The following RABGAP1L variants were observed in gnomAD, a reference collection of about 807,000 sequenced individuals.
The protein encoded by RABGAP1L is RAB GTPase activating protein 1 like, also known as rab GTPase-activating protein 1-like.
In RABGAP1L, 63 loss-of-function variants were observed where a neutral mutation model predicts 137.7. That is an observed-to-expected ratio of 0.46 (90% CI 0.37 to 0.56). The LOEUF is 0.56. RABGAP1L is among the 20% of genes least tolerant of loss of function. The pLI is 0.00. For missense variants in RABGAP1L, 1,095 were observed against 1,244.0 expected (o/e 0.88, Z 1.80); for synonymous variants, 431 against 433.7 (o/e 0.99, Z 0.08).
intron 19 of RABGAP1L, among the ~76,000 whole-genome samples, chr1:174,830,545 C>T (rs142954431): frequency 0.021 from 3,031 of 146,640 alleles, 278 homozygotes; most frequent in African/African-American, 0.072. Context: ...GGCACGATGT[C>T]GGCTCACTGC....
At chr1:174,793,858 A>G (rs1225462951) in intron 18 of RABGAP1L, among the ~76,000 whole-genome samples, 1 of 151,998 alleles carries the variant, frequency 6.6e-6, no homozygotes, top group East Asian at 1.9e-4. Context: ...CACCACACCC[A>G]GCTAATTTTT....
intron 19 of RABGAP1L, among the ~76,000 whole-genome samples, chr1:174,944,274 C>CAAAA (rs56225773): frequency 1.6e-3 from 79 of 50,812 alleles, no homozygotes; most frequent in African/African-American, 2.6e-3. Context: ...AAGACTGTCT[C>CAAAA]AAAAAAAAAA....
At chr1:174,296,708 T>A (rs1167442389) in intron 10 of RABGAP1L, among the ~76,000 whole-genome samples, 1 of 152,236 alleles carries the variant, frequency 6.6e-6, no homozygotes, top group Non-Finnish European at 1.5e-5. Context: ...AAAGTTTTTT[T>A]AATGAGTTTT....
At chr1:174,866,991 G>A (rs910010068) in intron 19 of RABGAP1L, among the ~76,000 whole-genome samples, 1 of 152,000 alleles carries the variant, frequency 6.6e-6, no homozygotes, top group Non-Finnish European at 1.5e-5. Context: ...TGGAAACTGA[G>A]GTGGGAGGAT....
At chr1:174,856,156 G>A (rs1356797659) in intron 19 of RABGAP1L, among the ~76,000 whole-genome samples, 1 of 152,130 alleles carries the variant, frequency 6.6e-6, no homozygotes, top group African/African-American at 2.4e-5. Flanking sequence ...CAGCACTTTG[G>A]GAGGCCAAGG....
chr1:174,712,445 G>A (rs905465643), intron 17 of RABGAP1L, among the ~76,000 whole-genome samples: 1 of 152,120 alleles, frequency 6.6e-6, no homozygotes. Flanking sequence ...AACACTCACC[G>A]CGAAGGTCTG....
At chr1:174,617,806 G>A (rs547844211) in intron 13 of RABGAP1L, among the ~76,000 whole-genome samples, 38 of 152,292 alleles carry the variant, frequency 2.5e-4, no homozygotes, top group African/African-American at 6.0e-4. Flanking sequence ...CGCAGAAGAC[G>A]GGTGATTTCG....
At chr1:174,811,240 A>G (rs954738701) in intron 18 of RABGAP1L, among the ~76,000 whole-genome samples, 5 of 152,224 alleles carry the variant, frequency 3.3e-5, no homozygotes, top group Non-Finnish European at 5.9e-5. Flanking sequence ...TTTGGTAAAC[A>G]ATAGTTTTCA....
At chr1:174,873,605 C>T (rs1169302138) in intron 19 of RABGAP1L, among the ~76,000 whole-genome samples, 1 of 151,698 alleles carries the variant, frequency 6.6e-6, no homozygotes, top group Non-Finnish European at 1.5e-5. Flanking sequence ...CCCCTGCCTC[C>T]CGGGTTCAAG....
chr1:174,718,294 AG>A (rs1288591656), intron 17 of RABGAP1L, among the ~76,000 whole-genome samples: 1 of 152,240 alleles, frequency 6.6e-6, no homozygotes, highest in Non-Finnish European at 1.5e-5. Context: ...ACTTAGCACT[AG>A]TCCCTCAGGA....
intron 17 of RABGAP1L, among the ~76,000 whole-genome samples, chr1:174,712,245 C>T (rs560470621): frequency 1.1e-4 from 16 of 152,300 alleles, no homozygotes; most frequent in African/African-American, 1.9e-4. Flanking sequence ...AGTCACCTTC[C>T]GGACTGTGGA....
chr1:174,413,343 T>A, intron 13 of RABGAP1L, among the ~76,000 whole-genome samples: 1 of 152,320 alleles, frequency 6.6e-6, no homozygotes, highest in East Asian at 1.9e-4. Flanking sequence ...TATTTCTCTC[T>A]TATTTCCTGG....
At chr1:174,735,472 C>T (rs557783581) in intron 17 of RABGAP1L, among the ~76,000 whole-genome samples, 10 of 151,002 alleles carry the variant, frequency 6.6e-5, no homozygotes, top group South Asian at 2.1e-4. Flanking sequence ...CGGGGCTGGG[C>T]GTGGTGGCTC....
intron 17 of RABGAP1L, among the ~76,000 whole-genome samples, chr1:174,727,593 A>G: frequency 6.6e-6 from 1 of 152,200 alleles, no homozygotes; most frequent in South Asian, 2.1e-4. Flanking sequence ...AGAAAGAACA[A>G]GTTCTGGTAT....
chr1:174,332,792 T>C (rs1681150113), intron 11 of RABGAP1L, among the ~76,000 whole-genome samples: 1 of 151,030 alleles, frequency 6.6e-6, no homozygotes, highest in African/African-American at 2.4e-5. Context: ...TTATAAAAGT[T>C]AAAAAAAAAC....
intron 12 of RABGAP1L, among the ~76,000 whole-genome samples, chr1:174,390,830 C>A (rs1687162692): frequency 6.6e-6 from 1 of 152,014 alleles, no homozygotes; most frequent in African/African-American, 2.4e-5. Flanking sequence ...TGGAAAACGA[C>A]CAGGTTAGGG....
intron 11 of RABGAP1L, among the ~76,000 whole-genome samples, chr1:174,324,484 T>C (rs1008658660): frequency 3.3e-5 from 5 of 152,044 alleles, no homozygotes; most frequent in Non-Finnish European, 7.4e-5. Flanking sequence ...TATTGATGAG[T>C]TTGAGTTCAC....
chr1:174,794,094 C>G (rs560328200), intron 18 of RABGAP1L, among the ~76,000 whole-genome samples: 1 of 152,284 alleles, frequency 6.6e-6, no homozygotes, highest in East Asian at 1.9e-4. Context: ...GTATTTTGAC[C>G]TGTTTGCTGG....
At chr1:174,667,668 C>T (rs1352367173) in intron 14 of RABGAP1L, among the ~76,000 whole-genome samples, 1 of 152,156 alleles carries the variant, frequency 6.6e-6, no homozygotes, top group Non-Finnish European at 1.5e-5. Context: ...CTGGTCATGC[C>T]ATCTTCTATG....
Sources: allele counts gnomAD v4.1 joint callset (sites outside exome capture counted in the v4.1 genomes callset), GRCh38; gene constraint gnomAD v4.1.1; transcripts MANE v1.5; gene names NCBI Gene and HGNC (gene_info 2026-07-23, HGNC 2026-07-21).